HM13: variants seen among roughly 807,000 people sequenced by gnomAD.
HM13 encodes signal peptide peptidase.
Under a neutral mutation model 50.0 loss-of-function variants are expected in HM13, and 18 were observed. The observed-to-expected ratio is 0.36, with a 90% confidence interval of 0.25 to 0.53. The LOEUF (loss-of-function observed/expected upper bound fraction) is 0.53. Ranked by LOEUF, HM13 falls within the 20% of genes least tolerant of loss-of-function variation. The probability of loss-of-function intolerance (pLI) is 0.90; values close to 1 mark genes in which losing one functional copy is unlikely to be tolerated. For missense variants in HM13, 393 were observed against 552.4 expected (o/e 0.71, Z 2.89); for synonymous variants, 197 against 232.6 (o/e 0.85, Z 1.39).
At chr20:31,553,486 T>C (rs565865890) in intron 7 of HM13, among the ~76,000 whole-genome samples, 66 of 152,136 alleles carry the variant, frequency 4.3e-4, no homozygotes, top group Non-Finnish European at 8.5e-4. Context: ...ACAAATCATC[T>C]AATCTTCACT....
chr20:31,565,814 G>A (rs968105899), intron 10 of HM13, among the ~76,000 whole-genome samples: 1 of 152,156 alleles, frequency 6.6e-6, no homozygotes, highest in Non-Finnish European at 1.5e-5. Flanking sequence ...CAGCTGTGGT[G>A]TCATCATCAC....
chr20:31,547,890 T>TA (rs1326818176), intron 4 of HM13: 107 of 1,044,780 alleles, frequency 1.0e-4, no homozygotes, highest in Non-Finnish European at 1.5e-4. Context: ...CTGCAGTAGA[T>TA]ACGATTGTAG....
intron 8 of HM13, among the ~76,000 whole-genome samples, chr20:31,556,467 T>C (rs1331928715): frequency 6.6e-6 from 1 of 152,226 alleles, no homozygotes; most frequent in Non-Finnish European, 1.5e-5. Flanking sequence ...CTTCTATTTG[T>C]GACAGTTGCA....
intron 7 of HM13, among the ~76,000 whole-genome samples, chr20:31,552,511 G>A (rs943601766): frequency 1.1e-4 from 17 of 152,176 alleles, no homozygotes; most frequent in African/African-American, 3.6e-4. Context: ...GATACTTAGG[G>A]TCTGGTTTTC....
chr20:31,514,548 C>A lies in HM13; in HGVS notation c.-4C>A. ...TGGAGTCGGATCCCGAACGCACCCT[C>A]GCCATGGACTCGGCCCTCAGCGATC... On this transcript the variant is annotated 5_prime_UTR_variant, in exon 1 of 13. Transcript: ENST00000398174. The surrounding 1 kb of genome is among the most constrained non-coding windows in gnomAD (Gnocchi z 4.3). The A allele has an allele frequency of 1.9e-6, 3 of 1,604,170 alleles. No homozygotes were observed. Among genetic ancestry groups the A allele is most frequent in the Non-Finnish European group, 2.5e-6 (3 of 1,177,268 alleles).
In HM13 at chr20:31,554,845, TG is replaced by T. The variant is rs1279925556; in HGVS notation, c.808+21del. ...GTCATTCCAGGTGAGCCTGCTGGTGTGGGGGCTATGTGAAAGGGGTGGAGAG... is the reference window on the plus strand; with the variant it reads ...GTCATTCCAGGTGAGCCTGCTGGTGTGGGGCTATGTGAAAGGGGTGGAGAG... On this transcript the variant is annotated intron_variant, in intron 8 of 12. Transcript: ENST00000398174. The T allele has an allele frequency of 1.9e-6, 3 of 1,605,706 alleles. No individual in the cohort carries two copies. The highest frequency in any genetic ancestry group is 1.7e-6 in the Non-Finnish European group (2 of 1,172,494).
intron 4 of HM13, among the ~76,000 whole-genome samples, chr20:31,546,870 G>A (rs1302646005): frequency 2.6e-5 from 4 of 151,784 alleles, no homozygotes; most frequent in Non-Finnish European, 5.9e-5. Flanking sequence ...CGAGGCTGCA[G>A]TAAGCCACGG....
rs756795201 is a variant in HM13 at position 31,549,072 on chromosome 20, G to T, written c.498G>T (p.Leu166=). The change falls in exon 5 of 13, where the codon CTG becomes CTT. Residue 166 remains leucine (L), a synonymous_variant. Coordinates refer to ENST00000398174, the MANE Select transcript of HM13 (RefSeq NM_178581.3). ...TTGACACCAAGGACCTGGTGTGCCT[G>T]GGCCTGAGCAGCATCGTTGGCGTCT... is the stretch of plus-strand genomic sequence containing the variant. ...YEFDTKDLVC[L]GLSSIVGVWY... is the part of the protein sequence containing the mutation. The T allele has an allele frequency of 2.5e-6, 4 of 1,614,020 alleles. No individual in the cohort carries two copies. Among genetic ancestry groups the T allele is most frequent in the Non-Finnish European group, 3.4e-6 (4 of 1,180,020 alleles).
At chr20:31,556,124 C>T (rs1359463470) in intron 8 of HM13, among the ~76,000 whole-genome samples, 1 of 151,510 alleles carries the variant, frequency 6.6e-6, no homozygotes, top group Non-Finnish European at 1.5e-5. Flanking sequence ...CTCTGCCTCC[C>T]TGGTTCAAGC....
intron 10 of HM13, among the ~76,000 whole-genome samples, chr20:31,564,884 G>A (rs573620222): frequency 8.6e-5 from 13 of 150,530 alleles, no homozygotes; most frequent in African/African-American, 2.7e-4. Context: ...AAAGAAACTC[G>A]GCCAGGCGCG....
intron 7 of HM13, among the ~76,000 whole-genome samples, chr20:31,552,111 G>T (rs1484358555): frequency 6.6e-6 from 1 of 152,018 alleles, no homozygotes; most frequent in Non-Finnish European, 1.5e-5. Context: ...ACAGATGCTG[G>T]GCCAGCCAGA....
rs1268739710 is a variant in HM13, at chr20:31,548,141, G to C, written c.455-888G>C. On this transcript the variant is annotated intron_variant, in intron 4 of 12. Coordinates refer to ENST00000398174, the MANE Select transcript of HM13 (RefSeq NM_178581.3). Reference sequence around the variant, plus strand: ...CTGTGTGTGACAGCGTGAATACAATGCCTCTGTGGTTATGCTAAATAAGTT... The same window carrying C: ...CTGTGTGTGACAGCGTGAATACAATCCCTCTGTGGTTATGCTAAATAAGTT... 6 of 846,302 alleles carry C rather than the reference G, an allele frequency of 7.1e-6. No homozygotes were observed. The South Asian group carries it at 8.7e-5, about 12-fold the overall frequency. The allele number at this position is 846,302 out of a possible 1,614,324, so 52.4% of individuals were successfully genotyped here.
chr20:31,534,789 A>G (rs1983016243), intron 2 of HM13, among the ~76,000 whole-genome samples: 4 of 151,774 alleles, frequency 2.6e-5, no homozygotes, highest in Non-Finnish European at 5.9e-5. Context: ...TTCGAAAGAA[A>G]AAAAAGAAGA....
chr20:31,554,889 G>A, intron 8 of HM13, 60 bp downstream of exon 8: 1 of 1,318,976 alleles, frequency 7.6e-7, no homozygotes, highest in South Asian at 1.2e-5. Flanking sequence ...CCCGGAGCAA[G>A]GGGATTACTG....
intron 4 of HM13, chr20:31,547,571 AG>A: frequency 8.1e-7 from 1 of 1,234,382 alleles, no homozygotes; most frequent in Non-Finnish European, 1.2e-6. Flanking sequence ...TCAGTTATTA[AG>A]GGCATTAAGA....
intron 1 of HM13, among the ~76,000 whole-genome samples, chr20:31,516,590 A>G (rs1466112984): frequency 1.3e-5 from 2 of 152,226 alleles, no homozygotes; most frequent in African/African-American, 2.4e-5. Flanking sequence ...AGCCAGGAGA[A>G]GGCATTCTAA....
In HM13 at chr20:31,566,295, G is replaced by C; in HGVS notation, c.1034G>C (p.Ser345Thr). 2 of 1,613,576 alleles carry C rather than the reference G, an allele frequency of 1.2e-6. No individual in the cohort carries two copies. Among genetic ancestry groups the C allele is most frequent in the South Asian group, 2.2e-5 (2 of 91,070 alleles). ...AAGGGAGAAGTGACAGAGATGTTCA[G>C]GTAAGGCAGAGTGGGGGGCAGATGT... ...LAKGEVTEMF[S>T]YESSAEILPH... Residue 345 changes from serine to threonine, a missense_variant and splice_region_variant, in exon 11 of 13, where the codon AGC (serine) becomes ACC (threonine). Ser to Thr is a moderately conservative substitution (Grantham distance 58). Transcript: ENST00000398174.
chr20:31,539,040 C>G (rs1420328196), intron 3 of HM13: 1 of 977,110 alleles, frequency 1.0e-6, no homozygotes, highest in Non-Finnish European at 1.2e-6. Context: ...GATTCAAACC[C>G]AGGTGTGGCT....
In HM13 at chr20:31,549,303, G is replaced by A. The variant is rs773145286; in HGVS notation, c.637G>A (p.Gly213Ser). The part of the protein sequence containing the change: ...NNVSTGCILL[G>S]GLFIYDVFWV... ...TGTCAGCACTGGCTGCATCCTGCTG[G>A]GCGGACTCTTCATCTACGATGTCTT... The change falls in exon 6 of 13, where the codon GGC (glycine) becomes AGC (serine). Residue 213 changes from glycine (G) to serine (S), a missense_variant. Around this residue, in one of 3 missense-constraint regions of HM13, gnomAD observed 214 missense variants for 276.1 expected, o/e 0.77. Transcript: ENST00000398174. The A allele has an allele frequency of 1.2e-6, 2 of 1,614,222 alleles. No individual in the cohort carries two copies. The highest frequency in any genetic ancestry group is 1.7e-6 in the Non-Finnish European group (2 of 1,180,044).
Sources: allele counts gnomAD v4.1 joint callset (sites outside exome capture counted in the v4.1 genomes callset), GRCh38; gene constraint gnomAD v4.1.1; regional missense constraint gnomAD v4.1.1; non-coding constraint Gnocchi (gnomAD v3.1); transcripts MANE v1.5; gene names NCBI Gene and HGNC (gene_info 2026-07-23, HGNC 2026-07-21).